The following FMN2 variants were observed in gnomAD, a reference collection of about 807,000 sequenced individuals.
The protein encoded by FMN2 is formin 2, also known as formin-2.
Under a neutral mutation model 142.3 loss-of-function variants are expected in FMN2, and 51 were observed. The ratio of observed to expected loss-of-function variants is 0.36; its 90% CI spans 0.29 to 0.45. FMN2 has a LOEUF of 0.45. Ranked by LOEUF, FMN2 falls within the 20% of genes least tolerant of loss-of-function variation. FMN2 has a pLI of 1.00. For missense variants in FMN2, 1,936 were observed against 2,122.8 expected, an observed-to-expected ratio of 0.91 and a Z score of 1.73; for synonymous variants, 882 against 869.8, an observed-to-expected ratio of 1.01 and a Z score of -0.25.
chr1:240,212,640 A>C (rs1666736669), intron 6 of FMN2, among the ~76,000 whole-genome samples: 1 of 152,246 alleles, frequency 6.6e-6, no homozygotes, highest in Admixed American at 6.5e-5. Context: ...CAATGTTAAA[A>C]GGAGTAATGG....
chr1:240,160,190 A>G (rs1196941195), intron 2 of FMN2, among the ~76,000 whole-genome samples: 1 of 150,994 alleles, frequency 6.6e-6, no homozygotes, highest in Non-Finnish European at 1.5e-5. Flanking sequence ...AGGAATGAAC[A>G]CTGCCCAGCT....
At chr1:240,446,741 T>C (rs1448069302) in intron 16 of FMN2, among the ~76,000 whole-genome samples, 1 of 152,174 alleles carries the variant, frequency 6.6e-6, no homozygotes, top group Non-Finnish European at 1.5e-5. Context: ...TTGCGTGGAC[T>C]TCTGCTAGAG....
At chr1:240,375,825 T>C (rs1673023367) in intron 14 of FMN2, among the ~76,000 whole-genome samples, 2 of 152,236 alleles carry the variant, frequency 1.3e-5, no homozygotes, top group Admixed American at 6.5e-5. Flanking sequence ...TTGTTTAATA[T>C]GTCTTTACTG....
chr1:240,210,973 T>C, intron 5 of FMN2, 118 bp from the exon 6 acceptor site: 1 of 872,532 alleles, frequency 1.1e-6, no homozygotes, highest in Non-Finnish European at 1.7e-6. Context: ...ATCTCTCTTC[T>C]TTTTCCCTCC....
chr1:240,356,167 C>G (rs1672266718), intron 14 of FMN2, among the ~76,000 whole-genome samples: 1 of 151,946 alleles, frequency 6.6e-6, no homozygotes, highest in Non-Finnish European at 1.5e-5. Flanking sequence ...ACAGTATATA[C>G]ACTAGATATT....
chr1:240,472,064 G>A, intron 16 of FMN2: 1 of 232,730 alleles, frequency 4.3e-6, no homozygotes, highest in South Asian at 8.7e-5. Context: ...TTTTTTACTT[G>A]TATATAAGAT....
At chr1:240,381,156 T>G (rs1014626931) in intron 14 of FMN2, among the ~76,000 whole-genome samples, 2 of 152,156 alleles carry the variant, frequency 1.3e-5, no homozygotes, top group Admixed American at 1.3e-4. Flanking sequence ...TGTAACTCAT[T>G]CATGAAAACA....
intron 7 of FMN2, among the ~76,000 whole-genome samples, chr1:240,271,432 T>TA (rs1669011068): frequency 6.6e-6 from 1 of 151,314 alleles, no homozygotes; most frequent in Non-Finnish European, 1.5e-5. Flanking sequence ...TTTTTTTTTT[T>TA]AATGAAACTC....
intron 2 of FMN2, among the ~76,000 whole-genome samples, chr1:240,140,666 G>T (rs972402102): frequency 6.6e-6 from 1 of 152,054 alleles, no homozygotes; most frequent in Admixed American, 6.6e-5. Flanking sequence ...AATTCTGTGG[G>T]GGGTGGGTGG....
At chr1:240,161,021 T>G (rs1012091148) in intron 2 of FMN2, among the ~76,000 whole-genome samples, 17 of 152,178 alleles carry the variant, frequency 1.1e-4, no homozygotes, top group African/African-American at 4.1e-4. Context: ...TGAACAGACA[T>G]GTGCATGGCC....
At chr1:240,361,146 T>C (rs1404060284) in intron 14 of FMN2, among the ~76,000 whole-genome samples, 11 of 15,394 alleles carry the variant, frequency 7.1e-4, no homozygotes, top group Non-Finnish European at 1.5e-3. Context: ...TATGTGTATA[T>C]ATATATATAT....
intron 6 of FMN2, among the ~76,000 whole-genome samples, chr1:240,254,037 G>A (rs968132649): frequency 6.6e-6 from 1 of 152,104 alleles, no homozygotes; most frequent in Non-Finnish European, 1.5e-5. Context: ...TTAGGGTGGT[G>A]TATGCTGGCC....
intron 15 of FMN2, among the ~76,000 whole-genome samples, chr1:240,421,215 T>C (rs1205492515): frequency 2.6e-5 from 4 of 151,962 alleles, no homozygotes; most frequent in African/African-American, 9.7e-5. Context: ...CTTGGCCAAC[T>C]TTTTTTTCCT....
At chr1:240,302,211 G>A (rs981437112) in intron 8 of FMN2, among the ~76,000 whole-genome samples, 1 of 151,360 alleles carries the variant, frequency 6.6e-6, no homozygotes, top group Non-Finnish European at 1.5e-5. Flanking sequence ...CTTTTTTTGA[G>A]ACTCCTTATC....
At chr1:240,198,347 C>A (rs1045156229) in intron 4 of FMN2, among the ~76,000 whole-genome samples, 1 of 152,164 alleles carries the variant, frequency 6.6e-6, no homozygotes, top group Non-Finnish European at 1.5e-5. Flanking sequence ...ACCTTCCCAT[C>A]GTATCAGCTC....
At chr1:240,389,187 G>C (rs904841617) in intron 14 of FMN2, among the ~76,000 whole-genome samples, 1 of 152,136 alleles carries the variant, frequency 6.6e-6, no homozygotes, top group Non-Finnish European at 1.5e-5. Flanking sequence ...TTTATTAATA[G>C]TTGATTATCT....
chr1:240,303,697 C>T (rs1404091080), intron 8 of FMN2, among the ~76,000 whole-genome samples: 1 of 152,156 alleles, frequency 6.6e-6, no homozygotes, highest in African/African-American at 2.4e-5. Context: ...TTTATGTTCA[C>T]ATCTTTCATC....
At position 240,145,435 on chromosome 1, in the gene FMN2, A is replaced by G. The variant is rs2103260968; in HGVS notation, c.1782+22090A>G. ...TGGATACATAGTAATATATATATGT[A>G]TATATTATAGGGGAAAAACTTTTTC... is the stretch of plus-strand genomic sequence containing the variant. On this transcript the variant is annotated intron_variant, in intron 2 of 17. Transcript: ENST00000319653. 8.9e-6 allele frequency: 3 copies of G among 337,640 alleles called. No individual in the cohort carries two copies. The East Asian group carries it at 1.5e-4, about 17-fold the overall frequency. The allele number at this position is 337,640 out of a possible 1,614,324, so 20.9% of individuals were successfully genotyped here.
chr1:240,106,430 C>T (rs1012720590), intron 1 of FMN2, among the ~76,000 whole-genome samples: 2 of 152,240 alleles, frequency 1.3e-5, no homozygotes, highest in East Asian at 1.9e-4. Context: ...TATATAGATA[C>T]GGGAATAGTT....
Sources: gnomAD v4.1 joint callset for allele counts (sites outside exome capture counted in the v4.1 genomes callset) on GRCh38, gnomAD v4.1.1 for gene constraint, MANE v1.5 for transcripts, NCBI Gene and HGNC (gene_info 2026-07-23, HGNC 2026-07-21) for gene names.